Variants in ADCK5 observed in about 807,000 individuals in gnomAD.
The protein encoded by ADCK5 is uncharacterized aarF domain-containing protein kinase 5.
Under a neutral mutation model 64.9 loss-of-function variants are expected in ADCK5, and 43 were observed. That is an observed-to-expected ratio of 0.66 (90% CI 0.52 to 0.85). The LOEUF (loss-of-function observed/expected upper bound fraction) is 0.85. Among genes scored for constraint, ADCK5 ranks in the 40% least tolerant of loss-of-function variants. The pLI, the probability that ADCK5 is intolerant of heterozygous loss-of-function variation, is 0.00. For missense variants in ADCK5, 760 were observed against 810.5 expected, an observed-to-expected ratio of 0.94 and a Z score of 0.76; for synonymous variants, 434 against 342.8, an observed-to-expected ratio of 1.27 and a Z score of -2.94.
rs1800841095 is a variant in ADCK5, at chr8:144,391,293, G to C, written c.684+19G>C. On this transcript the variant is annotated intron_variant, in intron 6 of 14. Coordinates refer to ENST00000308860, the MANE Select transcript of ADCK5 (RefSeq NM_174922.5). ...TGTGAAGGTATATGGGGGCTGCCTT[G>C]TTCAGCAGTGGGCTGGGGCGGGGCA... 1 of 1,612,190 alleles carries C rather than the reference G, an allele frequency of 6.2e-7. No individual in the cohort carries two copies. Among genetic ancestry groups the C allele is most frequent in the African/African-American group, 1.3e-5 (1 of 74,946 alleles).
At chr8:144,377,696 T>A (rs1259106549) in intron 1 of ADCK5, among the ~76,000 whole-genome samples, 5 of 152,168 alleles carry the variant, frequency 3.3e-5, no homozygotes, top group Non-Finnish European at 7.3e-5. Context: ...TGTCCTCTTC[T>A]CCTCCAAGTA....
rs201895535 is a variant in ADCK5, at chr8:144,390,629, C to A, written c.267-42C>A. On this transcript the variant is annotated intron_variant, in intron 3 of 14. Transcript: ENST00000308860. ...ACAAGAGGACCAAGCACCGGGGCCC[C>A]GAGCCTGCCCCGCTGGAGACTGAGG... 20 of 1,600,982 alleles carry A rather than the reference C, an allele frequency of 1.2e-5. No individual in the cohort carries two copies. In the African/African-American group the frequency reaches 2.7e-4, roughly 21 times the overall value.
At chr8:144,383,001 G>C (rs1160583118) in intron 2 of ADCK5, 80 bp from the exon 3 acceptor site, 1 of 1,532,500 alleles carries the variant, frequency 6.5e-7, no homozygotes, top group African/African-American at 1.4e-5. Flanking sequence ...GAGACGTGGT[G>C]CTGGGGGAGG....
intron 1 of ADCK5, among the ~76,000 whole-genome samples, chr8:144,374,678 G>A (rs1167512573): frequency 6.6e-6 from 1 of 152,130 alleles, no homozygotes; most frequent in Non-Finnish European, 1.5e-5. Flanking sequence ...CTGCTGCCCC[G>A]GACCTCCTTC....
chr8:144,379,858 G>A (rs1231535032), intron 2 of ADCK5, among the ~76,000 whole-genome samples: 1 of 152,212 alleles, frequency 6.6e-6, no homozygotes, highest in African/African-American at 2.4e-5. Flanking sequence ...GATGTGGAGG[G>A]ATGGGTCTGA....
intron 3 of ADCK5, 66 bp downstream of exon 3, chr8:144,383,296 G>A: frequency 1.4e-6 from 2 of 1,466,428 alleles, no homozygotes; most frequent in Non-Finnish European, 1.8e-6. Flanking sequence ...GTGCAGGATT[G>A]CCTGCTCCAG....
At position 144,392,335 on chromosome 8, in the gene ADCK5, G is replaced by A. The variant is rs932463619; in HGVS notation, c.1257G>A (p.Leu419=). 2.2e-6 allele frequency: 3 copies of A among 1,392,830 alleles called. No individual in the cohort carries two copies. The highest frequency in any genetic ancestry group is 2.8e-6 in the Non-Finnish European group (3 of 1,069,108). The allele number at this position is 1,392,830 out of a possible 1,614,324, so 86.3% of individuals were successfully genotyped here. ...DAAMRAHAAA[L]GVQDYLLFAE... is the part of the protein sequence containing the mutation. Reference sequence around the variant, plus strand: ...CCATGAGGGCGCACGCAGCCGCACTGGGGGTGCAAGGTGAGGGCGTGCGGG... The same window carrying A: ...CCATGAGGGCGCACGCAGCCGCACTAGGGGTGCAAGGTGAGGGCGTGCGGG... Residue 419 remains leucine (L), a synonymous_variant, in exon 12 of 15, where the codon CTG becomes CTA. Transcript: ENST00000308860.
In ADCK5 at chr8:144,393,164, G is replaced by C. The variant is rs1431522162; in HGVS notation, c.*90G>C. The C allele has an allele frequency of 1.4e-6, 2 of 1,379,580 alleles. No individual in the cohort carries two copies. The highest frequency in any genetic ancestry group is 2.9e-5 in the African/African-American group (2 of 68,466). 85.5% of individuals were successfully genotyped at this position (1,379,580 alleles called of 1,614,324 possible). A position where few individuals can be genotyped will look rare whatever the true frequency, so the allele number is the denominator to read the frequency against. The stretch of plus-strand genomic sequence containing the variant: ...AGGTGTAGACACCCCGAGCCCCGTG[G>C]GCACTCGCACTGGGGGGCTGTGACA... On this transcript the variant is annotated 3_prime_UTR_variant, in exon 15 of 15. Transcript: ENST00000308860.
Position 144,391,372 on chromosome 8 carries a change from C to T in ADCK5, c.696C>T (p.Ile232=), listed in dbSNP as rs781889749. 6.2e-6 allele frequency: 10 copies of T among 1,613,158 alleles called. No homozygotes were observed. The highest frequency in any genetic ancestry group is 2.2e-5 in the South Asian group (2 of 91,080). Reference sequence around the variant, plus strand: ...CTCGCCCAGTGCAGGTGCAGTACATCGACCTGCGGGACCGCTTTGATGGGG... The same window carrying T: ...CTCGCCCAGTGCAGGTGCAGTACATTGACCTGCGGGACCGCTTTGATGGGG... The part of the protein sequence containing the change: ...GTSVAVKVQY[I]DLRDRFDGDI... The change falls in exon 7 of 15, where the codon ATC becomes ATT. Residue 232 remains isoleucine (I), a synonymous_variant. Transcript: ENST00000308860.
chr8:144,391,763 C>T lies in ADCK5; in HGVS notation c.931-20C>T, dbSNP rs1380222956. On this transcript the variant is annotated intron_variant, in intron 8 of 14. Transcript: ENST00000308860. ...GGCACAGCGCTGGGCCTGCTGAGCC[C>T]AGCCTCTTGCTCTCCCCAGCGCGTG... is the stretch of plus-strand genomic sequence containing the variant. 3 of 1,541,112 alleles carry T rather than the reference C, an allele frequency of 1.9e-6. No individual in the cohort carries two copies. The highest frequency in any genetic ancestry group is 2.7e-5 in the African/African-American group (2 of 73,560).
rs184029541 is a variant in ADCK5, at chr8:144,391,337, T to A, written c.685-24T>A. On this transcript the variant is annotated intron_variant, in intron 6 of 14. Transcript: ENST00000308860. ...CGGGGCACAGTGGGGCCCCAAGTTC[T>A]CACCACACCCTCGCCCAGTGCAGGT... 7.4e-4 allele frequency: 1,196 copies of A among 1,612,712 alleles called. 1 individual carries two copies. The highest frequency in any genetic ancestry group is 9.4e-4 in the Non-Finnish European group (1,105 of 1,179,856).
Position 144,391,678 on chromosome 8 carries a change from G to A in ADCK5, c.897G>A (p.Val299=). The change falls in exon 8 of 15, where the codon GTG becomes GTA. Residue 299 remains valine (V), a synonymous_variant. Coordinates refer to ENST00000308860, the MANE Select transcript of ADCK5 (RefSeq NM_174922.5). ...ARELAHFPYV[V]VPRVHWDKSS... ...AGCTGGCGCACTTCCCCTACGTCGT[G>A]GTGCCCCGCGTGCACTGGGACAAGT... 2 of 1,541,608 alleles carry A rather than the reference G, an allele frequency of 1.3e-6. No individual in the cohort carries two copies. The highest frequency in any genetic ancestry group is 2.7e-5 in the African/African-American group (2 of 73,320).
At chr8:144,391,304 G>A (rs782678612) in intron 6 of ADCK5, 30 bp downstream of exon 6, 4 of 1,612,098 alleles carry the variant, frequency 2.5e-6, no homozygotes, top group Non-Finnish European at 3.4e-6. Flanking sequence ...TTCAGCAGTG[G>A]GCTGGGGCGG....
At chr8:144,378,186 C>T (rs560612404) in intron 1 of ADCK5, among the ~76,000 whole-genome samples, 2 of 152,300 alleles carry the variant, frequency 1.3e-5, no homozygotes, top group African/African-American at 2.4e-5. Flanking sequence ...GTTTCCATTA[C>T]GGAATCAAAG....
At chr8:144,390,348 C>T (rs868962833) in intron 3 of ADCK5, among the ~76,000 whole-genome samples, 17 of 152,294 alleles carry the variant, frequency 1.1e-4, no homozygotes, top group Middle Eastern at 3.4e-3. Context: ...AGGCCAGTCT[C>T]GAACTCCTGA....
intron 3 of ADCK5, chr8:144,389,359 C>T (rs2130723054): frequency 2.2e-6 from 1 of 456,450 alleles, no homozygotes. Context: ...CTCCTGTGAC[C>T]TCTGCTGCCT....
intron 2 of ADCK5, among the ~76,000 whole-genome samples, chr8:144,381,155 G>T (rs1819609628): frequency 6.8e-6 from 1 of 146,128 alleles, no homozygotes; most frequent in African/African-American, 2.6e-5. Flanking sequence ...TTATGGGCCG[G>T]GTGTAGAAAC....
At chr8:144,391,895 G>A (rs2928372) in intron 9 of ADCK5, 29 bp downstream of exon 9, 1 of 1,608,114 alleles carries the variant, frequency 6.2e-7, no homozygotes, top group Non-Finnish European at 8.5e-7. Context: ...GGGCGGGTCA[G>A]GGCGGGCTGG....
At chr8:144,374,407 G>A (rs1554856735) in intron 1 of ADCK5, among the ~76,000 whole-genome samples, 1 of 152,092 alleles carries the variant, frequency 6.6e-6, no homozygotes, top group African/African-American at 2.4e-5. Context: ...GTGTTGCTCA[G>A]GCTGGTCTCG....
Sources: gnomAD v4.1 joint callset for allele counts (sites outside exome capture counted in the v4.1 genomes callset) on GRCh38, gnomAD v4.1.1 for gene constraint, MANE v1.5 for transcripts, NCBI Gene and HGNC (gene_info 2026-07-23, HGNC 2026-07-21) for gene names.